SPOCK1: variants seen among roughly 807,000 people sequenced by gnomAD.
The protein encoded by SPOCK1 is testican-1.
Under a neutral mutation model 55.3 loss-of-function variants are expected in SPOCK1, and 23 were observed. That is an observed-to-expected ratio of 0.42 (90% CI 0.30 to 0.59). SPOCK1 has a LOEUF of 0.59. SPOCK1 is among the 20% of genes least tolerant of loss of function. SPOCK1 has a pLI of 0.22. For synonymous variants in SPOCK1, 226 were observed against 221.0 expected (o/e 1.02, Z -0.20); for missense variants, 499 against 552.5 (o/e 0.90, Z 0.97).
At chr5:137,279,801 C>T (rs1757135159) in intron 2 of SPOCK1, among the ~76,000 whole-genome samples, 1 of 152,242 alleles carries the variant, frequency 6.6e-6, no homozygotes, top group African/African-American at 2.4e-5. Context: ...AGCAAGCTCA[C>T]ACCCTGGCCC....
intron 5 of SPOCK1, among the ~76,000 whole-genome samples, chr5:137,072,774 C>T (rs1394075123): frequency 5.3e-5 from 8 of 152,230 alleles, no homozygotes; most frequent in African/African-American, 1.7e-4. Context: ...GCTTTCTCCA[C>T]TGTATTTCAT....
chr5:137,164,751 C>T (rs896320748), intron 3 of SPOCK1, among the ~76,000 whole-genome samples: 13 of 152,064 alleles, frequency 8.5e-5, no homozygotes, highest in Non-Finnish European at 1.5e-4. Context: ...TCCCTTAGGC[C>T]TTAAGGGAAC....
chr5:137,297,378 A>C (rs1254253108), intron 2 of SPOCK1, among the ~76,000 whole-genome samples: 7 of 152,250 alleles, frequency 4.6e-5, no homozygotes, highest in Admixed American at 4.6e-4. Flanking sequence ...ATTTTATGAA[A>C]TTATAACTGA....
intron 4 of SPOCK1, among the ~76,000 whole-genome samples, chr5:137,132,021 A>G (rs7712526): frequency 1.5e-5 from 1 of 68,526 alleles, no homozygotes; most frequent in African/African-American, 5.7e-5. Context: ...TATATATATA[A>G]AAAATTAGCT....
chr5:137,154,107 G>C (rs1754369061), intron 3 of SPOCK1, among the ~76,000 whole-genome samples: 1 of 151,752 alleles, frequency 6.6e-6, no homozygotes, highest in Non-Finnish European at 1.5e-5. Context: ...GACCAATATG[G>C]AGAAACCCCA....
Position 137,434,510 on chromosome 5 carries a change from TG to T in SPOCK1, c.186+63862del, listed in dbSNP as rs1345079796. 2.5e-5 allele frequency among the ~76,000 whole-genome samples: 3 copies of T among 120,772 alleles called. No homozygotes were observed. The Admixed American group carries it at 2.5e-4, about 10-fold the overall frequency. 79.2% of individuals were successfully genotyped at this position (120,772 alleles called of 152,430 possible). On this transcript the variant is annotated intron_variant, in intron 2 of 10. Coordinates refer to ENST00000394945, the MANE Select transcript of SPOCK1 (RefSeq NM_004598.4). Reference sequence around the variant, plus strand: ...TTTTTTTTTTTTTTTTTTTTTTTTTTGAGATGGAGTCTCGCTCTGTCACACA... The same window carrying T: ...TTTTTTTTTTTTTTTTTTTTTTTTTTAGATGGAGTCTCGCTCTGTCACACA...
At chr5:137,477,278 T>A (rs1461766733) in intron 2 of SPOCK1, among the ~76,000 whole-genome samples, 1 of 152,218 alleles carries the variant, frequency 6.6e-6, no homozygotes, top group African/African-American at 2.4e-5. Context: ...GCAATATGGC[T>A]ATCTTGGGGT....
chr5:137,062,360 T>A (rs1752408654), intron 6 of SPOCK1, among the ~76,000 whole-genome samples: 1 of 151,916 alleles, frequency 6.6e-6, no homozygotes. Context: ...GCTGCTATGC[T>A]CAGGCCAGAA....
intron 2 of SPOCK1, among the ~76,000 whole-genome samples, chr5:137,489,990 A>G (rs2149844982): frequency 6.6e-6 from 1 of 152,280 alleles, no homozygotes; most frequent in South Asian, 2.1e-4. Flanking sequence ...ACTTTTCTCA[A>G]AGGAACATAA....
intron 3 of SPOCK1, among the ~76,000 whole-genome samples, chr5:137,193,528 A>C (rs559797983): frequency 1.3e-5 from 2 of 152,324 alleles, no homozygotes; most frequent in East Asian, 3.9e-4. Context: ...CTAGCAAATT[A>C]AGTGAGATAC....
intron 2 of SPOCK1, among the ~76,000 whole-genome samples, chr5:137,348,745 G>C (rs978658233): frequency 6.6e-6 from 1 of 152,172 alleles, no homozygotes; most frequent in Non-Finnish European, 1.5e-5. Context: ...GGCTCTGAAA[G>C]GATGGAGCAC....
At chr5:137,297,038 G>T (rs1313139293) in intron 2 of SPOCK1, among the ~76,000 whole-genome samples, 1 of 152,166 alleles carries the variant, frequency 6.6e-6, no homozygotes, top group African/African-American at 2.4e-5. Flanking sequence ...ACATACACAT[G>T]CAATAGATAC....
At chr5:137,425,031 C>A (rs1752579548) in intron 2 of SPOCK1, among the ~76,000 whole-genome samples, 1 of 152,146 alleles carries the variant, frequency 6.6e-6, no homozygotes, top group African/African-American at 2.4e-5. Flanking sequence ...TACAAGCTTC[C>A]CATTCTAGAA....
chr5:137,305,551 T>C (rs988361590), intron 2 of SPOCK1, among the ~76,000 whole-genome samples: 3 of 152,240 alleles, frequency 2.0e-5, no homozygotes, highest in Non-Finnish European at 4.4e-5. Context: ...TGTCAGCCAC[T>C]CTGCTGTAAT....
chr5:137,150,496 A>G (rs1754298164), intron 3 of SPOCK1, among the ~76,000 whole-genome samples: 1 of 152,136 alleles, frequency 6.6e-6, no homozygotes, highest in Admixed American at 6.5e-5. Context: ...AGAGTCACAG[A>G]GCTTAATTGT....
intron 2 of SPOCK1, among the ~76,000 whole-genome samples, chr5:137,272,836 G>T (rs767513478): frequency 3.4e-5 from 5 of 147,712 alleles, no homozygotes; most frequent in Non-Finnish European, 5.9e-5. Flanking sequence ...ACAGCACACA[G>T]TAAATCCTTG....
At chr5:136,993,082 C>T (rs1157686123) in intron 6 of SPOCK1, 1 of 152,488 alleles carries the variant, frequency 6.6e-6, no homozygotes, top group African/African-American at 2.4e-5. Flanking sequence ...TGTCTTAGCC[C>T]AAGGTTTGGA....
intron 2 of SPOCK1, among the ~76,000 whole-genome samples, chr5:137,280,362 C>T (rs1757147309): frequency 6.6e-6 from 1 of 152,156 alleles, no homozygotes; most frequent in Admixed American, 6.5e-5. Context: ...CCCTTCCAGT[C>T]CTAACATTGT....
At chr5:137,063,419 A>C (rs74861932) in intron 6 of SPOCK1, among the ~76,000 whole-genome samples, 2 of 151,770 alleles carry the variant, frequency 1.3e-5, no homozygotes, top group Non-Finnish European at 2.9e-5. Context: ...AAAAAAAAAA[A>C]CAGATGAAAC....
Sources: gnomAD v4.1 joint callset for allele counts (sites outside exome capture counted in the v4.1 genomes callset) on GRCh38, gnomAD v4.1.1 for gene constraint, MANE v1.5 for transcripts, NCBI Gene and HGNC (gene_info 2026-07-23, HGNC 2026-07-21) for gene names.